PCDHGB4: variants seen among roughly 807,000 people sequenced by gnomAD.
PCDHGB4 encodes protocadherin gamma-B4.
A neutral mutation model predicts 60.5 loss-of-function variants in PCDHGB4; 38 were observed. The ratio of observed to expected loss-of-function variants is 0.63; its 90% CI spans 0.48 to 0.82. The LOEUF (loss-of-function observed/expected upper bound fraction) is 0.82, where lower values mean the gene tolerates loss of function less well. Among genes scored for constraint, PCDHGB4 ranks in the 40% least tolerant of loss-of-function variants. The probability of loss-of-function intolerance (pLI) is 0.00; values close to 1 mark genes in which losing one functional copy is unlikely to be tolerated. For synonymous variants in PCDHGB4, 456 were observed against 509.7 expected, an observed-to-expected ratio of 0.89 and a Z score of 1.42; for missense variants, 1,109 against 1,209.6, an observed-to-expected ratio of 0.92 and a Z score of 1.23.
At chr5:141,393,792 C>A (rs757880855) in intron 1 of PCDHGB4, 1 of 1,613,908 alleles carries the variant, frequency 6.2e-7, no homozygotes, top group Non-Finnish European at 8.5e-7. Flanking sequence ...TGTGGGGGCA[C>A]TTCTGGGGAG....
At chr5:141,395,105 G>A in intron 1 of PCDHGB4, 1 of 1,614,220 alleles carries the variant, frequency 6.2e-7, no homozygotes, top group East Asian at 2.2e-5. Context: ...CCGACTCGCG[G>A]AAGAGTCACC....
At chr5:141,446,143 T>G (rs2098490523) in intron 1 of PCDHGB4, among the ~76,000 whole-genome samples, 1 of 152,204 alleles carries the variant, frequency 6.6e-6, no homozygotes, top group Admixed American at 6.5e-5. Flanking sequence ...AATAATGGAA[T>G]AGGTGGAATA....
intron 1 of PCDHGB4, chr5:141,393,798 G>C (rs1228076034): frequency 1.2e-6 from 2 of 1,613,876 alleles, no homozygotes; most frequent in Non-Finnish European, 1.7e-6. Flanking sequence ...GGCACTTCTG[G>C]GGAGGACCAA....
chr5:141,392,298 G>T (rs568188111), intron 1 of PCDHGB4: 3 of 152,090 alleles, frequency 2.0e-5, no homozygotes, highest in African/African-American at 7.2e-5. Flanking sequence ...GGAAATGAAA[G>T]TATCATGTTT....
chr5:141,399,659 T>A (rs1277891886), intron 1 of PCDHGB4: 1 of 1,613,684 alleles, frequency 6.2e-7, no homozygotes, highest in African/African-American at 1.3e-5. Flanking sequence ...GGGGTGGTGT[T>A]CGCGCAGCGC....
At chr5:141,413,267 GA>G in intron 1 of PCDHGB4, 1 of 1,613,960 alleles carries the variant, frequency 6.2e-7, no homozygotes, top group Non-Finnish European at 8.5e-7. Flanking sequence ...TGGGAGGCTG[GA>G]GCCCGGCAGA....
intron 2 of PCDHGB4, 22 bp downstream of exon 2, chr5:141,494,887 C>T (rs116522768): frequency 0.014 from 22,125 of 1,614,118 alleles, 208 homozygotes; most frequent in Middle Eastern, 0.021. Context: ...ATTCTCCAGC[C>T]CACCCTCTTC....
intron 1 of PCDHGB4, among the ~76,000 whole-genome samples, chr5:141,464,139 C>T (rs1200161549): frequency 6.6e-6 from 1 of 151,928 alleles, no homozygotes; most frequent in Admixed American, 6.6e-5. Flanking sequence ...GTGGTGGGCG[C>T]CTGTAGTCCC....
At chr5:141,451,597 C>CAAGG (rs1434393705) in intron 1 of PCDHGB4, among the ~76,000 whole-genome samples, 3 of 152,076 alleles carry the variant, frequency 2.0e-5, no homozygotes, top group Non-Finnish European at 2.9e-5. Flanking sequence ...AAGTGACATA[C>CAAGG]AAGGCTAGGC....
intron 1 of PCDHGB4, chr5:141,429,167 TATAC>T (rs1240034860): frequency 7.3e-6 from 1 of 136,106 alleles, no homozygotes; most frequent in African/African-American, 2.9e-5. Flanking sequence ...AGACATTGTT[TATAC>T]ACACACACAC....
intron 2 of PCDHGB4, among the ~76,000 whole-genome samples, chr5:141,499,234 A>G (rs1294400331): frequency 6.6e-6 from 1 of 152,008 alleles, no homozygotes; most frequent in Non-Finnish European, 1.5e-5. Flanking sequence ...AGCTGTCCCC[A>G]GCCTCTGCAC....
At chr5:141,392,682 C>T in intron 1 of PCDHGB4, 2 of 1,035,550 alleles carry the variant, frequency 1.9e-6, no homozygotes, top group Non-Finnish European at 2.7e-6. Flanking sequence ...TGGACTGCAG[C>T]GAAACCCGAC....
At position 141,409,103 on chromosome 5, in the gene PCDHGB4, A is replaced by G. The variant is rs750657192; in HGVS notation, c.2397+18822A>G. The G allele has an allele frequency of 6.8e-6, 11 of 1,613,926 alleles. No individual in the cohort carries two copies. Among genetic ancestry groups the G allele is most frequent in the Non-Finnish European group, 9.3e-6 (11 of 1,179,900 alleles). On this transcript the variant is annotated intron_variant, in intron 1 of 3. Coordinates refer to ENST00000519479, the MANE Select transcript of PCDHGB4 (RefSeq NM_003736.4). ...CTCATTGGATGAGAAAACAGGTATG[A>G]TTAAGAATAACCAGTCATTTGATTT...
chr5:141,499,479 C>T (rs1019775735), intron 2 of PCDHGB4, among the ~76,000 whole-genome samples: 1 of 152,146 alleles, frequency 6.6e-6, no homozygotes. Context: ...AGAACCACCA[C>T]CAACTACAGT....
intron 1 of PCDHGB4, chr5:141,433,132 T>A (rs1168186406): frequency 6.2e-7 from 1 of 1,614,122 alleles, no homozygotes; most frequent in Non-Finnish European, 8.5e-7. Context: ...GCGAGCCCCT[T>A]TTGCTGTCAG....
At chr5:141,497,820 G>A (rs1595489288) in intron 2 of PCDHGB4, among the ~76,000 whole-genome samples, 1 of 152,226 alleles carries the variant, frequency 6.6e-6, no homozygotes, top group Admixed American at 6.5e-5. Flanking sequence ...AATTACAGGT[G>A]TGATCGCCCC....
intron 1 of PCDHGB4, chr5:141,399,754 A>G: frequency 6.2e-7 from 1 of 1,613,326 alleles, no homozygotes; most frequent in Non-Finnish European, 8.5e-7. Flanking sequence ...CGCAAACGTG[A>G]GCCTGCGCGT....
intron 1 of PCDHGB4, chr5:141,478,730 G>A: frequency 6.5e-7 from 1 of 1,538,906 alleles, no homozygotes; most frequent in South Asian, 1.2e-5. Flanking sequence ...GCCAGAGTGT[G>A]GTTTGTGGTC....
chr5:141,392,826 C>T, intron 1 of PCDHGB4: 1 of 1,601,188 alleles, frequency 6.2e-7, no homozygotes, highest in Non-Finnish European at 8.5e-7. Context: ...GGCCGCTCCA[C>T]AGAGTCGCCC....
Sources: allele counts gnomAD v4.1 joint callset (sites outside exome capture counted in the v4.1 genomes callset), GRCh38; gene constraint gnomAD v4.1.1; transcripts MANE v1.5; gene names NCBI Gene and HGNC (gene_info 2026-07-23, HGNC 2026-07-21).